The following TTC6 variants were observed in gnomAD, a reference collection of about 807,000 sequenced individuals.
The protein encoded by TTC6 is tetratricopeptide repeat domain 6.
TTC6 carries 172 observed loss-of-function variants against 210.4 expected under a neutral mutation model. The ratio of observed to expected loss-of-function variants is 0.82; its 90% CI spans 0.72 to 0.93. TTC6 has a LOEUF of 0.93. Ranked by LOEUF, TTC6 falls within the 40% of genes least tolerant of loss-of-function variation. The pLI is 0.00. For synonymous variants in TTC6, 804 were observed against 819.6 expected, an observed-to-expected ratio of 0.98 and a Z score of 0.32; for missense variants, 2,414 against 2,318.1, an observed-to-expected ratio of 1.04 and a Z score of -0.85.
rs17106962 is a variant in TTC6 at position 37,703,091 on chromosome 14, C to G, written c.1571+1565C>G. ...CATTCTTTGGAATATATGTTAAAGCCTAAAGCTAGGAGTAGAAAATAAATA... is the reference window on the plus strand; with the variant it reads ...CATTCTTTGGAATATATGTTAAAGCGTAAAGCTAGGAGTAGAAAATAAATA... On this transcript the variant is annotated intron_variant, in intron 5 of 30. Transcript: ENST00000553443. Among the ~76,000 whole-genome samples, 498 of 151,170 alleles carry G rather than the reference C, an allele frequency of 3.3e-3. 8 individuals carry two copies. Among genetic ancestry groups the G allele is most frequent in the African/African-American group, 0.011 (444 of 41,148 alleles).
intron 14 of TTC6, among the ~76,000 whole-genome samples, chr14:37,755,630 T>C (rs2095965323): frequency 6.6e-6 from 1 of 152,212 alleles, no homozygotes; most frequent in African/African-American, 2.4e-5. Context: ...ATTTATTAAA[T>C]AGGGAATCCT....
intron 1 of TTC6, among the ~76,000 whole-genome samples, chr14:37,635,981 C>CAAAAAAAAAAAAAAAAAA: frequency 1.4e-5 from 1 of 70,360 alleles, no homozygotes; most frequent in Non-Finnish European, 2.5e-5. Flanking sequence ...ATTCCATTTC[C>CAAAAAAAAAAAAAAAAAA]AAAAAAAAAA....
In TTC6 at chr14:37,638,401, C is replaced by G. The variant is rs370823777; in HGVS notation, c.939+15398C>G. Among the ~76,000 whole-genome samples the G allele has an allele frequency of 2.0e-5, 3 of 152,128 alleles. No homozygotes were observed. The East Asian group carries it at 5.8e-4, about 29-fold the overall frequency. ...TCCCAAGTATCTGGGACTACAGGGA[C>G]CCACCACCATGCCCGGCTAATTTTT... On this transcript the variant is annotated intron_variant, in intron 1 of 30. Transcript: ENST00000553443.
At chr14:37,778,628 CCT>C (rs750164923) in intron 14 of TTC6, among the ~76,000 whole-genome samples, 2 of 151,938 alleles carry the variant, frequency 1.3e-5, no homozygotes, top group African/African-American at 2.4e-5. Context: ...TTGGGGAGGC[CCT>C]GGTGGAGGGA....
chr14:37,698,364 A>G (rs1205809303), intron 4 of TTC6, among the ~76,000 whole-genome samples: 1 of 152,186 alleles, frequency 6.6e-6, no homozygotes, highest in Non-Finnish European at 1.5e-5. Flanking sequence ...ATGGGAATTC[A>G]GATTGGTTGT....
chr14:37,692,275 A>G (rs1384181076), intron 3 of TTC6, among the ~76,000 whole-genome samples: 1 of 150,664 alleles, frequency 6.6e-6, no homozygotes, highest in East Asian at 1.9e-4. Context: ...TCCCTGATGA[A>G]TATTGTTGGA....
chr14:37,838,866 A>G (rs2096203871), intron 29 of TTC6, among the ~76,000 whole-genome samples: 1 of 151,938 alleles, frequency 6.6e-6, no homozygotes, highest in Non-Finnish European at 1.5e-5. Context: ...ATGTATTCTC[A>G]TTGTTCAACG....
At chr14:37,628,005 T>C (rs1215464567) in intron 1 of TTC6, among the ~76,000 whole-genome samples, 3 of 152,194 alleles carry the variant, frequency 2.0e-5, no homozygotes, top group Non-Finnish European at 4.4e-5. Flanking sequence ...AGTTTCGCTC[T>C]TGTTGCCCAG....
intron 2 of TTC6, among the ~76,000 whole-genome samples, chr14:37,681,263 G>A (rs1257208945): frequency 6.6e-6 from 1 of 152,120 alleles, no homozygotes; most frequent in African/African-American, 2.4e-5. Flanking sequence ...CCTCTAACAG[G>A]TATAGTAAAC....
chr14:37,628,144 A>G (rs78651114), intron 1 of TTC6, among the ~76,000 whole-genome samples: 2,761 of 152,118 alleles, frequency 0.018, 82 homozygotes, highest in African/African-American at 0.064. Context: ...CTAACTTTGT[A>G]TTTTTATAGA....
chr14:37,823,752 A>G, exon 27 of TTC6: 2 of 1,613,288 alleles, frequency 1.2e-6, no homozygotes, highest in Middle Eastern at 1.7e-4. Flanking sequence ...TGCAGAATTA[A>G]TGAGTTTGAA....
chr14:37,823,708 A>G (rs762760140), intron 26 of TTC6, 39 bp from the exon 29 acceptor site: 8 of 1,541,662 alleles, frequency 5.2e-6, no homozygotes, highest in Non-Finnish European at 6.3e-6. Context: ...AGAATGCATC[A>G]GTTCACCAGA....
intron 14 of TTC6, among the ~76,000 whole-genome samples, chr14:37,761,269 G>C (rs2095983650): frequency 6.6e-6 from 1 of 151,816 alleles, no homozygotes; most frequent in African/African-American, 2.4e-5. Context: ...CTGGCTCCTT[G>C]CACTTCCCAG....
chr14:37,646,381 A>G (rs957838101), intron 1 of TTC6, among the ~76,000 whole-genome samples: 1 of 152,112 alleles, frequency 6.6e-6, no homozygotes, highest in Non-Finnish European at 1.5e-5. Flanking sequence ...CTGAAATCTC[A>G]ACACATCAGA....
In TTC6 at chr14:37,606,282, G is replaced by A. The variant is rs28404879; in HGVS notation, c.-234-381G>A. Among the ~76,000 whole-genome samples the A allele has an allele frequency of 3.8e-3, 573 of 152,190 alleles. 4 individuals are homozygous for A. Among genetic ancestry groups the A allele is most frequent in the African/African-American group, 0.012 (502 of 41,498 alleles). On this transcript the variant is annotated intron_variant, in intron 1 of 2. Transcript: ENST00000556845. Reference sequence around the variant, plus strand: ...GGGTTATTCTCTGTTATACTCTCTGGCTGCCCCCTTTGCCTACTTCTCTTT... The same window carrying A: ...GGGTTATTCTCTGTTATACTCTCTGACTGCCCCCTTTGCCTACTTCTCTTT...
intron 24 of TTC6, among the ~76,000 whole-genome samples, chr14:37,811,315 A>AT (rs142706094): frequency 2.0e-5 from 3 of 152,104 alleles, no homozygotes; most frequent in African/African-American, 7.2e-5. Context: ...AATACTACTG[A>AT]TTTTTTTTAT....
At chr14:37,749,635 C>T (rs540337268) in intron 11 of TTC6, 79 bp from the exon 14 acceptor site, 25 of 1,119,174 alleles carry the variant, frequency 2.2e-5, no homozygotes, top group South Asian at 1.8e-4. Context: ...TGGGATCAAC[C>T]GTGTTTTAAA....
chr14:37,640,987 G>T (rs2095690812), intron 1 of TTC6, among the ~76,000 whole-genome samples: 1 of 152,188 alleles, frequency 6.6e-6, no homozygotes, highest in South Asian at 2.1e-4. Flanking sequence ...ATTGTAGATT[G>T]TTAGTCTACT....
At chr14:37,752,648 A>G (rs755482255) in intron 13 of TTC6, among the ~76,000 whole-genome samples, 95 of 152,076 alleles carry the variant, frequency 6.2e-4, no homozygotes, top group Non-Finnish European at 9.9e-4. Flanking sequence ...TCAATGTAAA[A>G]TGAATGAGCC....
Sources: gnomAD v4.1 joint callset for allele counts (sites outside exome capture counted in the v4.1 genomes callset) on GRCh38, gnomAD v4.1.1 for gene constraint, MANE v1.5 for transcripts, NCBI Gene and HGNC (gene_info 2026-07-23, HGNC 2026-07-21) for gene names.